ELAVL2: variants seen among roughly 807,000 people sequenced by gnomAD.
The protein encoded by ELAVL2 is ELAV like RNA binding protein 2, also known as ELAV-like protein 2.
ELAVL2 carries 4 observed loss-of-function variants against 34.6 expected under a neutral mutation model. That is an observed-to-expected ratio of 0.12 (90% confidence interval 0.06 to 0.26). ELAVL2 has a LOEUF of 0.26. Among genes scored for constraint, ELAVL2 ranks in the 10% least tolerant of loss-of-function variants. ELAVL2 has a pLI of 1.00. For missense variants in ELAVL2, 432 were observed against 442.8 expected (o/e 0.98, Z 0.22); for synonymous variants, 193 against 154.8 (o/e 1.25, Z -1.83).
chr9:23,843,646 C>G, the ELAVL2 span, among the ~76,000 whole-genome samples: 1 of 152,018 alleles, frequency 6.6e-6, no homozygotes, highest in Non-Finnish European at 1.5e-5. Context: ...ATCATTTCCT[C>G]TCAAACAATC....
intron 1 of ELAVL2, among the ~76,000 whole-genome samples, chr9:23,800,672 C>T (rs1228191430): frequency 6.6e-6 from 1 of 152,146 alleles, no homozygotes; most frequent in African/African-American, 2.4e-5. Context: ...GAATGCTTCT[C>T]AAGCAAATGA....
In ELAVL2 at chr9:23,771,924, A is replaced by C. The variant is rs1167710581; in HGVS notation, c.-15-9675T>G. ...CTAAATCATTACCTTCTGGTGATGA[A>C]TCATTCCAACCCCATTCTTTCATTC... is the stretch of plus-strand genomic sequence containing the variant. On this transcript the variant is annotated intron_variant, in intron 1 of 6. Transcript: ENST00000397312. Among the ~76,000 whole-genome samples, 3 of 152,188 alleles carry C rather than the reference A, an allele frequency of 2.0e-5. No individual in the cohort carries two copies. The East Asian group carries it at 5.8e-4, about 29-fold the overall frequency.
the ELAVL2 span, among the ~76,000 whole-genome samples, chr9:23,848,745 T>C: frequency 2.0e-5 from 3 of 152,080 alleles, no homozygotes; most frequent in Admixed American, 2.0e-4. Context: ...TTGAGAAATG[T>C]AGGCACATGC....
chr9:23,766,764 A>C (rs940587805), intron 1 of ELAVL2, among the ~76,000 whole-genome samples: 1 of 152,162 alleles, frequency 6.6e-6, no homozygotes, highest in Non-Finnish European at 1.5e-5. Flanking sequence ...ATGCTGGCCA[A>C]CAATTCAGTT....
At chr9:23,726,646 G>A (rs1049494746) in intron 3 of ELAVL2, among the ~76,000 whole-genome samples, 1 of 152,072 alleles carries the variant, frequency 6.6e-6, no homozygotes, top group African/African-American at 2.4e-5. Flanking sequence ...ACTGTGTTAT[G>A]TGATAATCAC....
chr9:23,848,012 A>G, the ELAVL2 span, among the ~76,000 whole-genome samples: 1 of 152,130 alleles, frequency 6.6e-6, no homozygotes, highest in African/African-American at 2.4e-5. Context: ...TTTTCTCCAC[A>G]TGTCAAAGTA....
chr9:23,799,014 G>A (rs2061286969), intron 1 of ELAVL2, among the ~76,000 whole-genome samples: 1 of 152,084 alleles, frequency 6.6e-6, no homozygotes. Context: ...CTCCCAGGTG[G>A]TGGTCATGTA....
intron 1 of ELAVL2, among the ~76,000 whole-genome samples, chr9:23,811,122 A>G (rs1430164910): frequency 6.6e-6 from 1 of 152,148 alleles, no homozygotes; most frequent in Non-Finnish European, 1.5e-5. Context: ...ACAAACTATT[A>G]TTCACTCTAA....
intron 1 of ELAVL2, among the ~76,000 whole-genome samples, chr9:23,815,264 A>T (rs1463772620): frequency 6.6e-6 from 1 of 152,156 alleles, no homozygotes; most frequent in Non-Finnish European, 1.5e-5. Context: ...AGCTGGCTAA[A>T]TTCTCAGTCT....
chr9:23,693,577 G>A (rs985570359), intron 5 of ELAVL2, 91 bp from the exon 6 acceptor site: 1 of 1,449,152 alleles, frequency 6.9e-7, no homozygotes, highest in African/African-American at 1.4e-5. Flanking sequence ...CTTCCGAGGG[G>A]ATATCTGTAC....
intron 1 of ELAVL2, among the ~76,000 whole-genome samples, chr9:23,784,859 A>G (rs1183404102): frequency 6.6e-6 from 1 of 152,230 alleles, no homozygotes; most frequent in African/African-American, 2.4e-5. Flanking sequence ...ATCCGTAGGG[A>G]AAAATAAGTA....
At chr9:23,743,641 A>C (rs574214147) in intron 2 of ELAVL2, among the ~76,000 whole-genome samples, 4 of 152,326 alleles carry the variant, frequency 2.6e-5, no homozygotes, top group Non-Finnish European at 4.4e-5. Context: ...AATTCTGGAT[A>C]CATCTTTCCT....
intron 3 of ELAVL2, among the ~76,000 whole-genome samples, chr9:23,711,983 A>C (rs1008820668): frequency 6.6e-6 from 1 of 152,208 alleles, no homozygotes; most frequent in Non-Finnish European, 1.5e-5. Flanking sequence ...AAATTCTATT[A>C]ATCATTTCAA....
intron 1 of ELAVL2, among the ~76,000 whole-genome samples, chr9:23,819,120 G>A (rs149290731): frequency 3.1e-4 from 47 of 152,224 alleles, no homozygotes; most frequent in Non-Finnish European, 2.6e-4. Flanking sequence ...AGCAGGGAAG[G>A]CTGGAAGAGC....
intron 1 of ELAVL2, among the ~76,000 whole-genome samples, chr9:23,805,245 A>G (rs2062061840): frequency 6.6e-6 from 1 of 152,236 alleles, no homozygotes; most frequent in Non-Finnish European, 1.5e-5. Context: ...AATATGGCTA[A>G]ATGGCTATAA....
At chr9:23,840,787 C>T in the ELAVL2 span, among the ~76,000 whole-genome samples, 1 of 152,022 alleles carries the variant, frequency 6.6e-6, no homozygotes, top group Non-Finnish European at 1.5e-5. Context: ...TAAACATAGG[C>T]AAATAAGCCA....
At chr9:23,789,764 A>T (rs993867048) in intron 1 of ELAVL2, among the ~76,000 whole-genome samples, 13 of 152,236 alleles carry the variant, frequency 8.5e-5, no homozygotes, top group African/African-American at 3.1e-4. Flanking sequence ...GTAAATAAAC[A>T]TTCTTAAAGA....
chr9:23,748,877 T>C (rs1161804977), intron 2 of ELAVL2, among the ~76,000 whole-genome samples: 3 of 152,130 alleles, frequency 2.0e-5, no homozygotes, highest in Non-Finnish European at 4.4e-5. Flanking sequence ...CAAAATACTT[T>C]GGTATATCAA....
chr9:23,774,764 G>C (rs536250317), intron 1 of ELAVL2, among the ~76,000 whole-genome samples: 1 of 149,504 alleles, frequency 6.7e-6, no homozygotes, highest in African/African-American at 2.5e-5. Flanking sequence ...CCTTATTCTG[G>C]CTAAGAACTC....
Sources: gnomAD v4.1 joint callset for allele counts (sites outside exome capture counted in the v4.1 genomes callset) on GRCh38, gnomAD v4.1.1 for gene constraint, MANE v1.5 for transcripts, NCBI Gene and HGNC (gene_info 2026-07-23, HGNC 2026-07-21) for gene names.